The following CHRM3 variants were observed in gnomAD, a reference collection of about 807,000 sequenced individuals.
CHRM3 encodes the protein cholinergic receptor muscarinic 3.
In CHRM3, 11 loss-of-function variants were observed where a neutral mutation model predicts 41.8. That is an observed-to-expected ratio of 0.26 (90% CI 0.17 to 0.44). The LOEUF (loss-of-function observed/expected upper bound fraction) is 0.44, where lower values mean the gene tolerates loss of function less well. Among genes scored for constraint, CHRM3 ranks in the 20% least tolerant of loss-of-function variants. The pLI, the probability that CHRM3 is intolerant of heterozygous loss-of-function variation, is 1.00. For missense variants in CHRM3, 571 were observed against 745.4 expected, an observed-to-expected ratio of 0.77 and a Z score of 2.72; for synonymous variants, 297 against 301.4, an observed-to-expected ratio of 0.99 and a Z score of 0.15.
intron 1 of CHRM3, among the ~76,000 whole-genome samples, chr1:239,394,122 TC>T (rs1659280313): frequency 6.6e-6 from 1 of 152,180 alleles, no homozygotes; most frequent in Non-Finnish European, 1.5e-5. Flanking sequence ...ACTAAACAAA[TC>T]TGGGTTGGAA....
intron 6 of CHRM3, among the ~76,000 whole-genome samples, chr1:239,846,410 G>A (rs79441711): frequency 3.9e-5 from 6 of 152,038 alleles, no homozygotes; most frequent in Non-Finnish European, 7.4e-5. Context: ...AGACTTTATC[G>A]AAATTCAATC....
intron 6 of CHRM3, among the ~76,000 whole-genome samples, chr1:239,863,886 C>T (rs892467867): frequency 2.0e-5 from 3 of 152,034 alleles, no homozygotes; most frequent in Non-Finnish European, 4.4e-5. Flanking sequence ...GTAACAGACA[C>T]GATGCAACAG....
chr1:239,534,802 T>C (rs1274276531), intron 2 of CHRM3, among the ~76,000 whole-genome samples: 4 of 152,238 alleles, frequency 2.6e-5, no homozygotes, highest in Non-Finnish European at 5.9e-5. Flanking sequence ...AGACCATCAA[T>C]AAATAGTTGT....
intron 6 of CHRM3, among the ~76,000 whole-genome samples, chr1:239,835,543 G>A (rs925314500): frequency 3.3e-5 from 5 of 152,116 alleles, no homozygotes; most frequent in South Asian, 2.1e-4. Context: ...GCAAAGACAC[G>A]CTAAGAGATA....
intron 5 of CHRM3, among the ~76,000 whole-genome samples, chr1:239,708,600 A>G (rs1358543738): frequency 4.6e-5 from 7 of 152,024 alleles, no homozygotes; most frequent in Admixed American, 3.3e-4. Context: ...ACCATTCACA[A>G]ATGTTCATCC....
chr1:239,827,632 G>A (rs1042863477), intron 6 of CHRM3, among the ~76,000 whole-genome samples: 3 of 152,044 alleles, frequency 2.0e-5, no homozygotes, highest in Non-Finnish European at 4.4e-5. Context: ...GAAATAGCAC[G>A]TTTCACTAAA....
chr1:239,421,180 T>G (rs1661928708), intron 1 of CHRM3, among the ~76,000 whole-genome samples: 1 of 152,252 alleles, frequency 6.6e-6, no homozygotes, highest in South Asian at 2.1e-4. Flanking sequence ...TACATTGGTT[T>G]GTCATAAAAT....
intron 5 of CHRM3, among the ~76,000 whole-genome samples, chr1:239,767,526 A>G (rs933624839): frequency 2.0e-4 from 31 of 152,212 alleles, no homozygotes; most frequent in Admixed American, 6.5e-5. Flanking sequence ...TGTAGCACAC[A>G]TTAATTATAC....
intron 1 of CHRM3, among the ~76,000 whole-genome samples, chr1:239,428,860 C>T (rs4275442): frequency 0.99 from 150,691 of 152,336 alleles, 74,546 homozygotes; most frequent in East Asian, 1. Context: ...GTTTCCTTGT[C>T]AGCTTTTTAG....
chr1:239,467,903 C>A (rs547120578), intron 1 of CHRM3, among the ~76,000 whole-genome samples: 31 of 132,858 alleles, frequency 2.3e-4, no homozygotes, highest in Non-Finnish European at 3.0e-4. Context: ...TTCCCTACCC[C>A]CCCCCAACGT....
At chr1:239,404,406 AAGAAAAAGAAAGAAAG>A (rs1558195658) in intron 1 of CHRM3, among the ~76,000 whole-genome samples, 298 of 53,730 alleles carry the variant, frequency 5.5e-3, no homozygotes, top group African/African-American at 9.9e-3. Flanking sequence ...GAAAGAAAGA[AAGAAAAAGAAAGAAAG>A]AAAGAAAGAA....
intron 1 of CHRM3, among the ~76,000 whole-genome samples, chr1:239,408,789 A>ATT (rs66799037): frequency 0.035 from 5,086 of 144,346 alleles, 270 homozygotes; most frequent in African/African-American, 0.11. Flanking sequence ...GGCTGGCTAG[A>ATT]TTTTTTTTTT....
chr1:239,908,630 G>A lies in CHRM3; in HGVS notation c.1179G>A (p.Glu393=), dbSNP rs1160041917. Residue 393 remains glutamate (E), a synonymous_variant, in exon 7 of 7, where the codon GAG becomes GAA. Coordinates refer to ENST00000676153, the MANE Select transcript of CHRM3 (RefSeq NM_001375978.1). This position sits in a 1 kb window ranked among gnomAD's most constrained non-coding sequence, Gnocchi z 7.2. The part of the protein sequence containing the change: ...LPSSDNLQVP[E]EELGMVDLER... ...CATCGGACAACCTGCAGGTGCCTGA[G>A]GAGGAGCTGGGGATGGTGGACTTGG... 3 of 1,611,078 alleles carry A rather than the reference G, an allele frequency of 1.9e-6. No individual in the cohort carries two copies. The East Asian group carries it at 6.7e-5, about 36-fold the overall frequency.
chr1:239,543,829 G>A (rs1035152081), intron 2 of CHRM3, among the ~76,000 whole-genome samples: 3 of 151,940 alleles, frequency 2.0e-5, no homozygotes, highest in Admixed American at 2.0e-4. Context: ...TTTTATAAGG[G>A]GTCAGATAGG....
chr1:239,513,825 T>G (rs1669081239), intron 2 of CHRM3, among the ~76,000 whole-genome samples: 1 of 152,198 alleles, frequency 6.6e-6, no homozygotes, highest in South Asian at 2.1e-4. Flanking sequence ...GATCTGTGTC[T>G]AGATTTTTTT....
intron 4 of CHRM3, among the ~76,000 whole-genome samples, chr1:239,675,452 G>A (rs1309273992): frequency 6.6e-6 from 1 of 152,162 alleles, no homozygotes; most frequent in Non-Finnish European, 1.5e-5. Flanking sequence ...GTCAAGAATT[G>A]CAAGACAAGA....
At chr1:239,808,634 G>A (rs1230489581) in intron 5 of CHRM3, among the ~76,000 whole-genome samples, 5 of 152,230 alleles carry the variant, frequency 3.3e-5, no homozygotes, top group South Asian at 2.1e-4. Flanking sequence ...AAGCCCTACC[G>A]CTTCCTATAA....
At chr1:239,707,903 A>G (rs1163613890) in intron 5 of CHRM3, 2 of 152,250 alleles carry the variant, frequency 1.3e-5, no homozygotes, top group African/African-American at 2.4e-5. Flanking sequence ...CCTTGAAACA[A>G]TCTTTCAGAC....
At chr1:239,891,701 G>A (rs1678564815) in intron 6 of CHRM3, among the ~76,000 whole-genome samples, 1 of 152,214 alleles carries the variant, frequency 6.6e-6, no homozygotes, top group Non-Finnish European at 1.5e-5. Context: ...CGAAGGTTGA[G>A]TTTCCAGCCC....
Sources: allele counts gnomAD v4.1 joint callset (sites outside exome capture counted in the v4.1 genomes callset), GRCh38; gene constraint gnomAD v4.1.1; non-coding constraint Gnocchi (gnomAD v3.1); transcripts MANE v1.5; gene names NCBI Gene and HGNC (gene_info 2026-07-23, HGNC 2026-07-21).